The following SOX10 variants were observed in gnomAD, a reference collection of about 807,000 sequenced individuals.
The protein encoded by SOX10 is transcription factor SOX-10.
Under a neutral mutation model 35.0 loss-of-function variants are expected in SOX10, and 3 were observed. The ratio of observed to expected loss-of-function variants is 0.09; its 90% CI spans 0.04 to 0.22. The LOEUF (loss-of-function observed/expected upper bound fraction) is 0.22, where lower values mean the gene tolerates loss of function less well. Among genes scored for constraint, SOX10 ranks in the 10% least tolerant of loss-of-function variants. The pLI is 1.00. For synonymous variants in SOX10, 285 were observed against 291.0 expected, an observed-to-expected ratio of 0.98 and a Z score of 0.21; for missense variants, 436 against 655.1, an observed-to-expected ratio of 0.67 and a Z score of 3.65.
In SOX10 at chr22:37,980,590, AG is replaced by A. The variant is rs1569170130; in HGVS notation, c.429-2456del. Among the ~76,000 whole-genome samples, 1 of 151,738 alleles carries A rather than the reference AG, an allele frequency of 6.6e-6. No individual in the cohort carries two copies. The highest frequency in any genetic ancestry group is 2.4e-5 in the African/African-American group (1 of 41,260). On this transcript the variant is annotated intron_variant, in intron 2 of 3. Transcript: ENST00000396884. The surrounding 1 kb of genome is among the most constrained non-coding windows in gnomAD (Gnocchi z 4.1). The stretch of plus-strand genomic sequence containing the variant: ...CCACCTCCACCCCAACCCCAAGCCC[AG>A]CCTGCCCACCATGTAAACCCAATCT...
At chr22:37,977,808 C>T (rs1340852366) in intron 3 of SOX10, 59 bp downstream of exon 3, 4 of 1,549,702 alleles carry the variant, frequency 2.6e-6, no homozygotes, top group East Asian at 2.3e-5. Context: ...GCCATCCAGC[C>T]ATCTCCTGTC....
At position 37,973,926 on chromosome 22, in the gene SOX10, G is replaced by A; in HGVS notation, c.970C>T (p.Leu324=). ...SAAGYGLGSA[L]AVASGHSAWI... The stretch of plus-strand genomic sequence containing the variant: ...GCGGAGTGTCCACTGGCCACGGCCA[G>A]GGCACTGCCCAGCCCATAGCCGGCT... The change falls in exon 4 of 4, where the codon CTG becomes TTG. Residue 324 remains leucine (L), a synonymous_variant. Transcript: ENST00000396884. 6.2e-7 allele frequency: 1 copy of A among 1,610,326 alleles called. No homozygotes were observed. The highest frequency in any genetic ancestry group is 8.5e-7 in the Non-Finnish European group (1 of 1,179,930).
chr22:37,976,355 C>G (rs1932220066), intron 3 of SOX10, among the ~76,000 whole-genome samples: 1 of 152,238 alleles, frequency 6.6e-6, no homozygotes, highest in Non-Finnish European at 1.5e-5. Flanking sequence ...TCCACCATGC[C>G]TAGCTTTGTT....
Position 37,984,343 on chromosome 22 carries a change from T to G in SOX10, c.-89A>C, listed in dbSNP as rs1932504528. The G allele has an allele frequency of 6.6e-6, 1 of 152,052 alleles. No individual in the cohort carries two copies. The allele number at this position is 152,052 out of a possible 1,614,324, so 9.4% of individuals were successfully genotyped here. A position where few individuals can be genotyped will look rare whatever the true frequency, so the allele number is the denominator to read the frequency against. ...AGGAGCAGGCTGCGCACTCACCTCC[T>G]CGGACCTCTCCTCCAGTCTGGGGCT... On this transcript the variant is annotated 5_prime_UTR_variant, in exon 1 of 4. Transcript: ENST00000396884. This position sits in a 1 kb window ranked among gnomAD's most constrained non-coding sequence, Gnocchi z 4.4.
At position 37,973,211 on chromosome 22, in the gene SOX10, T is replaced by C. The variant is rs1398602008; in HGVS notation, c.*284A>G. ...CCTTCTCAGGTCCTGGGATAGAGGG[T>C]CATTCCTGGGGGAAGGTGCAGCCCC... is the stretch of plus-strand genomic sequence containing the variant. On this transcript the variant is annotated 3_prime_UTR_variant, in exon 4 of 4. Transcript: ENST00000396884. 7 of 400,196 alleles carry C rather than the reference T, an allele frequency of 1.7e-5. No individual in the cohort carries two copies. Among genetic ancestry groups the C allele is most frequent in the African/African-American group, 1.4e-4 (7 of 49,084 alleles). The allele number at this position is 400,196 out of a possible 1,614,324, so 24.8% of individuals were successfully genotyped here.
chr22:37,981,387 T>C (rs974311176), intron 2 of SOX10, among the ~76,000 whole-genome samples: 3 of 152,078 alleles, frequency 2.0e-5, no homozygotes, highest in South Asian at 4.1e-4. Flanking sequence ...CATCCTCCCA[T>C]TGGGATTGGG....
In SOX10 at chr22:37,978,688, G is replaced by A. The variant is rs1454266354; in HGVS notation, c.429-553C>T. ...ATGATAACATTGGCTTAACTTGGGT[G>A]TGGGATTGGCCAGAATAATGGATGT... On this transcript the variant is annotated intron_variant, in intron 2 of 3. Coordinates refer to ENST00000396884, the MANE Select transcript of SOX10 (RefSeq NM_006941.4). This position sits in a 1 kb window ranked among gnomAD's most constrained non-coding sequence, Gnocchi z 5.0. Among the ~76,000 whole-genome samples the A allele has an allele frequency of 2.6e-5, 4 of 152,220 alleles. No homozygotes were observed. In the East Asian group the frequency reaches 7.7e-4, roughly 29 times the overall value.
At chr22:37,979,996 A>G (rs1601884020) in intron 2 of SOX10, among the ~76,000 whole-genome samples, 1 of 151,334 alleles carries the variant, frequency 6.6e-6, no homozygotes, top group South Asian at 2.1e-4. Context: ...CATGCCAGGC[A>G]CCTCCTAGCC....
At position 37,973,713 on chromosome 22, in the gene SOX10, T is replaced by C. The variant is rs759738648; in HGVS notation, c.1183A>G (p.Ile395Val). Residue 395 changes from isoleucine to valine, a missense_variant, in exon 4 of 4, where the codon ATC becomes GTC. Ile to Val is a conservative substitution (Grantham distance 29). This residue lies in a region of SOX10 where 285 missense variants were observed against 402.9 expected (regional missense o/e 0.71). Transcript: ENST00000396884. ...GAGTAGTCAAACTGGGGGCGGGAGA[T>C]GGAGGGGAAGGCTGAGCCATAGTGG... is the stretch of plus-strand genomic sequence containing the variant. ...LPHYGSAFPS[I>V]SRPQFDYSDH... 6.2e-7 allele frequency: 1 copy of C among 1,605,134 alleles called. No individual in the cohort carries two copies. Among genetic ancestry groups the C allele is most frequent in the Non-Finnish European group, 8.5e-7 (1 of 1,174,034 alleles).
rs1385144978 is a variant in SOX10 at position 37,983,922 on chromosome 22, C to T, written c.-84-54G>A. The T allele has an allele frequency of 1.7e-5, 11 of 637,846 alleles. No individual in the cohort carries two copies. The Admixed American group carries it at 3.0e-4, about 17-fold the overall frequency. 39.5% of individuals were successfully genotyped at this position (637,846 alleles called of 1,614,324 possible). On this transcript the variant is annotated intron_variant, in intron 1 of 3. Coordinates refer to ENST00000396884, the MANE Select transcript of SOX10 (RefSeq NM_006941.4). This position sits in a 1 kb window ranked among gnomAD's most constrained non-coding sequence, Gnocchi z 9.5. ...GCCGCGCGCGCAGCCCCGAGGGCGG[C>T]CCGAGACAGGACGTGGGCACAGCCC... is the stretch of plus-strand genomic sequence containing the variant.
chr22:37,984,093 T>G lies in SOX10; in HGVS notation c.-84-225A>C. ...CTCTTGGTGTGGGTGGCTTTTTTTT[T>G]AGCCTCCTTTTTTGGGTGGAGGTTT... On this transcript the variant is annotated intron_variant, in intron 1 of 3. Transcript: ENST00000396884. This position sits in a 1 kb window ranked among gnomAD's most constrained non-coding sequence, Gnocchi z 4.4. 3 of 223,958 alleles carry G rather than the reference T, an allele frequency of 1.3e-5. No homozygotes were observed. The highest frequency in any genetic ancestry group is 9.9e-5 in the East Asian group (1 of 10,134). The allele number at this position is 223,958 out of a possible 1,614,324, so 13.9% of individuals were successfully genotyped here.
intron 2 of SOX10, among the ~76,000 whole-genome samples, chr22:37,982,466 G>A (rs758301533): frequency 1.3e-5 from 2 of 152,220 alleles, no homozygotes; most frequent in Non-Finnish European, 2.9e-5. Flanking sequence ...TGAGTCGAGG[G>A]TGGGATAATT....
chr22:37,975,586 G>C (rs1601880486), intron 3 of SOX10, among the ~76,000 whole-genome samples: 1 of 152,182 alleles, frequency 6.6e-6, no homozygotes, highest in South Asian at 2.1e-4. Context: ...GGTCTTAAGA[G>C]ACTAGGAGCT....
chr22:37,976,437 A>T (rs1932222880), intron 3 of SOX10, among the ~76,000 whole-genome samples: 1 of 152,090 alleles, frequency 6.6e-6, no homozygotes, highest in Non-Finnish European at 1.5e-5. Context: ...GAGGCCAGGG[A>T]CTGTAGGCTT....
chr22:37,982,071 C>T (rs529214977), intron 2 of SOX10, among the ~76,000 whole-genome samples: 1 of 152,308 alleles, frequency 6.6e-6, no homozygotes, highest in Non-Finnish European at 1.5e-5. Context: ...GAGCCGGGCT[C>T]CTCTGACAAA....
Position 37,973,980 on chromosome 22 carries a change from G to A in SOX10, c.916C>T (p.His306Tyr). ...GAGTAGCTGCTCACATGGCCTGGGT[G>A]CCCATTGGGCGGCAGGTACTGGTCC... The part of the protein sequence containing the change: ...ELDQYLPPNG[H>Y]PGHVSSYSAA... Residue 306 changes from histidine to tyrosine, a missense_variant, in exon 4 of 4, where the codon CAC (histidine) becomes TAC (tyrosine). Physicochemically the swap from His to Tyr is moderately conservative, Grantham distance 83. Coordinates refer to ENST00000396884, the MANE Select transcript of SOX10 (RefSeq NM_006941.4). 6.2e-7 allele frequency: 1 copy of A among 1,612,552 alleles called. No individual in the cohort carries two copies.
intron 3 of SOX10, among the ~76,000 whole-genome samples, chr22:37,977,253 C>T (rs1251426069): frequency 6.6e-6 from 1 of 151,724 alleles, no homozygotes; most frequent in East Asian, 1.9e-4. Flanking sequence ...CAAAACCATC[C>T]TGTCTTCTCC....
chr22:37,974,969 C>A lies in SOX10; in HGVS notation c.698-771G>T, dbSNP rs571598617. On this transcript the variant is annotated intron_variant, in intron 3 of 3. Coordinates refer to ENST00000396884, the MANE Select transcript of SOX10 (RefSeq NM_006941.4). This position sits in a 1 kb window ranked among gnomAD's most constrained non-coding sequence, Gnocchi z 5.4. ...GGCCTCATGTTGTGTCCTTTCCAAC[C>A]CTTCCCTCCTCCTGAGCCCACCCTG... Among the ~76,000 whole-genome samples the A allele has an allele frequency of 3.9e-5, 6 of 152,292 alleles. No homozygotes were observed. In the South Asian group the frequency reaches 1.0e-3, roughly 26 times the overall value.
rs763447116 is a variant in SOX10 at position 37,978,036 on chromosome 22, C to T, written c.528G>A (p.Arg176=). The change falls in exon 3 of 4, where the codon AGG becomes AGA. Residue 176 remains arginine (R), a synonymous_variant. Transcript: ENST00000396884. The surrounding 1 kb of genome is among the most constrained non-coding windows in gnomAD (Gnocchi z 5.0). Reference sequence around the variant, plus strand: ...GGGCGGCCTTCCCGTTCTTCCGCCGCCTGGGCTGGTACTTGTAGTCCGGGT... The same window carrying T: ...GGGCGGCCTTCCCGTTCTTCCGCCGTCTGGGCTGGTACTTGTAGTCCGGGT... ...KDHPDYKYQP[R]RRKNGKAAQG... 3 of 1,611,368 alleles carry T rather than the reference C, an allele frequency of 1.9e-6. No homozygotes were observed. The African/African-American group carries it at 4.0e-5, about 22-fold the overall frequency.
Sources: gnomAD v4.1 joint callset for allele counts (sites outside exome capture counted in the v4.1 genomes callset) on GRCh38, gnomAD v4.1.1 for gene constraint, gnomAD v4.1.1 regional missense constraint, Gnocchi (gnomAD v3.1) non-coding constraint, MANE v1.5 for transcripts, NCBI Gene and HGNC (gene_info 2026-07-23, HGNC 2026-07-21) for gene names.